The following NRG2 variants were observed in gnomAD, a reference collection of about 807,000 sequenced individuals.
NRG2 encodes the protein neuregulin 2.
Under a neutral mutation model 73.9 loss-of-function variants are expected in NRG2, and 27 were observed. The observed-to-expected ratio is 0.37, with a 90% CI of 0.27 to 0.50. The LOEUF is 0.50. Among genes scored for constraint, NRG2 ranks in the 20% least tolerant of loss-of-function variants. The pLI is 0.96. For synonymous variants in NRG2, 532 were observed against 541.0 expected (o/e 0.98, Z 0.23); for missense variants, 1,126 against 1,210.1 (o/e 0.93, Z 1.03).
rs1759082929 is a variant in NRG2 at position 140,008,505 on chromosome 5, C to T, written c.700+33865G>A. Among the ~76,000 whole-genome samples, 1 of 152,234 alleles carries T rather than the reference C, an allele frequency of 6.6e-6. No homozygotes were observed. Among genetic ancestry groups the T allele is most frequent in the South Asian group, 2.1e-4 (1 of 4,828 alleles). ...TCTGGGATTGCTTAGAGATCCCTTA[C>T]TCCTTACTAAACCAAGTTTCCCTAC... On this transcript the variant is annotated intron_variant, in intron 1 of 9. Transcript: ENST00000361474. The surrounding 1 kb of genome is among the most constrained non-coding windows in gnomAD (Gnocchi z 4.2).
rs1267966974 is a variant in NRG2, at chr5:140,042,688, G to T, written c.382C>A (p.Pro128Thr). ...KSVQDQAYKA[P>T]VVVEGKVQGL... ...TGTACCTTGCCCTCCACCACCACGG[G>T]TGCCTTGTACGCCTGGTCCTGCACT... Residue 128 changes from proline to threonine, a missense_variant, in exon 1 of 10, where the codon CCC (proline) becomes ACC (threonine). Around this residue, in one of 3 missense-constraint regions of NRG2, gnomAD observed 539 missense variants for 703.2 expected, o/e 0.77. Transcript: ENST00000361474. The T allele has an allele frequency of 3.2e-6, 5 of 1,585,638 alleles. No homozygotes were observed. Among genetic ancestry groups the T allele is most frequent in the Non-Finnish European group, 4.3e-6 (5 of 1,166,466 alleles).
intron 1 of NRG2, among the ~76,000 whole-genome samples, chr5:139,917,137 AT>A (rs1440619695): frequency 3.3e-5 from 5 of 152,132 alleles, no homozygotes; most frequent in East Asian, 1.9e-4. Context: ...GTATCTTGTG[AT>A]TTTTTTAAAA....
intron 1 of NRG2, among the ~76,000 whole-genome samples, chr5:139,963,775 G>T (rs1580829310): frequency 6.6e-6 from 1 of 152,104 alleles, no homozygotes; most frequent in African/African-American, 2.4e-5. Context: ...CTCTTTCTAG[G>T]CCTGGTGGCC....
intron 1 of NRG2, among the ~76,000 whole-genome samples, chr5:139,922,371 G>A (rs1477952431): frequency 6.6e-6 from 1 of 152,072 alleles, no homozygotes; most frequent in Non-Finnish European, 1.5e-5. Context: ...TATATCATCA[G>A]GAAATTGCAA....
intron 1 of NRG2, among the ~76,000 whole-genome samples, chr5:139,932,221 AGTGTGTGTGTGTGT>A (rs3056594): frequency 1.4e-4 from 20 of 141,458 alleles, no homozygotes; most frequent in South Asian, 4.6e-4. Flanking sequence ...AAGAAAATGT[AGTGTGTGTGTGTGT>A]GTGTGTGTGT....
At chr5:139,855,832 A>T in intron 5 of NRG2, 54 bp from the exon 6 acceptor site, 1 of 1,414,474 alleles carries the variant, frequency 7.1e-7, no homozygotes, top group East Asian at 2.3e-5. Context: ...CCCCATAGGG[A>T]TAGTGGTGCA....
rs1561638512 is a variant in NRG2 at position 139,867,780 on chromosome 5, G to GTA, written c.1113-2156_1113-2155insTA. Among the ~76,000 whole-genome samples the GTA allele has an allele frequency of 2.8e-3, 392 of 139,206 alleles. 4 individuals carry two copies. The highest frequency in any genetic ancestry group is 0.011 in the African/African-American group (350 of 32,494). 91.3% of individuals were successfully genotyped at this position (139,206 alleles called of 152,430 possible). ...GGGAAACCTGTGTGTGTGTGTGTGT[G>GTA]TGTGTGTGTGTGTGTGTATGAGTGT... On this transcript the variant is annotated intron_variant, in intron 4 of 9. Coordinates refer to ENST00000361474, the MANE Select transcript of NRG2 (RefSeq NM_004883.3).
chr5:140,042,586 T>C lies in NRG2; in HGVS notation c.484A>G (p.Lys162Glu), dbSNP rs1342043339. The C allele has an allele frequency of 3.1e-6, 5 of 1,612,302 alleles. No homozygotes were observed. The highest frequency in any genetic ancestry group is 4.2e-6 in the Non-Finnish European group (5 of 1,179,604). Reference sequence around the variant, plus strand: ...CGGAGCGGCCACTTGTCCAGCACCTTTACCAACGCCACCCGACCCGAGGCG... The same window carrying C: ...CGGAGCGGCCACTTGTCCAGCACCTCTACCAACGCCACCCGACCCGAGGCG... ...PPASGRVALV[K>E]VLDKWPLRSG... is the part of the protein sequence containing the mutation. The change falls in exon 1 of 10, where the codon AAG becomes GAG. Residue 162 changes from lysine to glutamate, a missense_variant. This residue lies in a region of NRG2 where 539 missense variants were observed against 703.2 expected (regional missense o/e 0.77). Coordinates refer to ENST00000361474, the MANE Select transcript of NRG2 (RefSeq NM_004883.3).
chr5:139,871,933 A>G, intron 3 of NRG2, 92 bp from the exon 4 acceptor site: 1 of 1,516,682 alleles, frequency 6.6e-7, no homozygotes, highest in South Asian at 1.3e-5. Flanking sequence ...CAAAACTGGA[A>G]GATGACCAGA....
intron 1 of NRG2, among the ~76,000 whole-genome samples, chr5:139,940,862 C>T (rs976837045): frequency 1.3e-5 from 2 of 152,042 alleles, no homozygotes; most frequent in African/African-American, 4.8e-5. Context: ...GATGCTGATA[C>T]AGGGAAGTAC....
At chr5:139,881,142 G>A (rs536927539) in intron 2 of NRG2, among the ~76,000 whole-genome samples, 168 bp from the exon 3 acceptor site, 11 of 152,306 alleles carry the variant, frequency 7.2e-5, no homozygotes, top group Non-Finnish European at 1.5e-4. Flanking sequence ...GGTGGGGCAC[G>A]GAGTCCCTGC....
At chr5:139,950,505 C>A (rs1754122469) in intron 1 of NRG2, among the ~76,000 whole-genome samples, 1 of 152,170 alleles carries the variant, frequency 6.6e-6, no homozygotes. Context: ...GTTCTGGTCC[C>A]AAAGCTGGAC....
At chr5:139,850,631 C>T (rs914563422) in intron 9 of NRG2, among the ~76,000 whole-genome samples, 4 of 152,232 alleles carry the variant, frequency 2.6e-5, no homozygotes, top group Non-Finnish European at 5.9e-5. Flanking sequence ...TCTTTCCCTG[C>T]TCACCTCCTA....
chr5:139,989,826 T>C (rs1757446229), intron 1 of NRG2, among the ~76,000 whole-genome samples: 1 of 151,372 alleles, frequency 6.6e-6, no homozygotes, highest in African/African-American at 2.4e-5. Flanking sequence ...GTCTTGCCTT[T>C]TGCCCAGGCC....
chr5:139,911,598 G>A (rs1750826158), intron 1 of NRG2, among the ~76,000 whole-genome samples: 2 of 152,224 alleles, frequency 1.3e-5, no homozygotes, highest in Admixed American at 1.3e-4. Context: ...TGCTGCAGGT[G>A]AGTAAGCTGC....
intron 1 of NRG2, among the ~76,000 whole-genome samples, chr5:139,962,564 G>T (rs1295935679): frequency 6.6e-6 from 1 of 152,186 alleles, no homozygotes; most frequent in African/African-American, 2.4e-5. Context: ...GGAATCCTGT[G>T]CTCAGGGTAG....
intron 1 of NRG2, among the ~76,000 whole-genome samples, chr5:140,016,451 C>T (rs17208031): frequency 0.015 from 2,322 of 152,318 alleles, 24 homozygotes; most frequent in Non-Finnish European, 0.023. Flanking sequence ...TTCATCTTGA[C>T]TCTCTCCTCA....
chr5:139,937,823 A>C (rs1027604013), intron 1 of NRG2, among the ~76,000 whole-genome samples: 1 of 152,238 alleles, frequency 6.6e-6, no homozygotes, highest in Non-Finnish European at 1.5e-5. Context: ...CACAATGAAA[A>C]CTATGAACAC....
chr5:140,021,485 T>C (rs1206098180), intron 1 of NRG2, among the ~76,000 whole-genome samples: 2 of 152,230 alleles, frequency 1.3e-5, no homozygotes, highest in South Asian at 2.1e-4. Context: ...GAATGGACCA[T>C]ACTTTTCCTA....
Sources: allele counts gnomAD v4.1 joint callset (sites outside exome capture counted in the v4.1 genomes callset), GRCh38; gene constraint gnomAD v4.1.1; regional missense constraint gnomAD v4.1.1; non-coding constraint Gnocchi (gnomAD v3.1); transcripts MANE v1.5; gene names NCBI Gene and HGNC (gene_info 2026-07-23, HGNC 2026-07-21).